The following AMMECR1 variants were observed in gnomAD, a reference collection of about 807,000 sequenced individuals.
AMMECR1 encodes AMMECR nuclear protein 1.
A neutral mutation model predicts 22.5 loss-of-function variants in AMMECR1; 3 were observed. The observed-to-expected ratio is 0.13, with a 90% CI of 0.06 to 0.35. The LOEUF is 0.35. Ranked by LOEUF, AMMECR1 falls within the 10% of genes least tolerant of loss-of-function variation. AMMECR1 has a pLI of 1.00. For synonymous variants in AMMECR1, 130 were observed against 116.7 expected, an observed-to-expected ratio of 1.11 and a Z score of -0.74; for missense variants, 235 against 278.7, an observed-to-expected ratio of 0.84 and a Z score of 1.12.
At chrX:110,271,710 T>C (rs1385413681) in intron 1 of AMMECR1, among the ~76,000 whole-genome samples, 6 of 111,847 alleles carry the variant, frequency 5.4e-5, no homozygotes, top group African/African-American at 2.0e-4. Flanking sequence ...TTTTCTTAGT[T>C]TACACTGAGA....
intron 2 of AMMECR1, among the ~76,000 whole-genome samples, chrX:110,375,345 A>T (rs1453083155): frequency 1.8e-5 from 2 of 111,887 alleles, no homozygotes; most frequent in Admixed American, 9.5e-5. Context: ...TTCTAGTCTC[A>T]GCTCTACCCC....
In AMMECR1 at chrX:110,297,212, T is replaced by C. The variant is rs766123568; in HGVS notation, c.473+20387A>G. Among the ~76,000 whole-genome samples the C allele has an allele frequency of 5.3e-5, 6 of 112,310 alleles. No individual in the cohort carries two copies. The East Asian group carries it at 1.7e-3, about 31-fold the overall frequency. On this transcript the variant is annotated intron_variant, in intron 1 of 5. Coordinates refer to ENST00000262844, the MANE Select transcript of AMMECR1 (RefSeq NM_015365.3). ...TGTGTTGGGTATGCCTTCAATGCTCTGAGAGTTTACAATTCTGCCTTAGCC... is the reference window on the plus strand; with the variant it reads ...TGTGTTGGGTATGCCTTCAATGCTCCGAGAGTTTACAATTCTGCCTTAGCC...
rs1408517324 is a variant in AMMECR1, at chrX:110,318,064, G to A, written c.8C>T (p.Ala3Val). 2 of 1,196,267 alleles carry A rather than the reference G, an allele frequency of 1.7e-6. No homozygotes were observed. The highest frequency in any genetic ancestry group is 1.8e-5 in the South Asian group (1 of 54,643). Residue 3 changes from alanine (A) to valine (V), a missense_variant, in exon 1 of 6, where the codon GCG becomes GTG. Ala to Val is a moderately conservative substitution (Grantham distance 64). Coordinates refer to ENST00000262844, the MANE Select transcript of AMMECR1 (RefSeq NM_015365.3). MA[A>V]GCCGVKKQKL... The stretch of plus-strand genomic sequence containing the variant: ...CTGCTTCTTCACCCCGCAGCAACCC[G>A]CCGCCATCTTGGAACAGTCTCCCCC...
chrX:110,347,936 T>G (rs2068197028), intron 2 of AMMECR1, among the ~76,000 whole-genome samples: 1 of 112,651 alleles, frequency 8.9e-6, no homozygotes, highest in Admixed American at 9.4e-5. Flanking sequence ...ATTCTGACAC[T>G]TCCATTAGTA....
intron 2 of AMMECR1, among the ~76,000 whole-genome samples, chrX:110,403,178 G>C (rs1444492565): frequency 8.9e-6 from 1 of 111,798 alleles, no homozygotes; most frequent in East Asian, 2.8e-4. Context: ...AAAAAGGAAG[G>C]CCAGAGATGT....
At position 110,242,783 on chromosome X, in the gene AMMECR1, A is replaced by T. The variant is rs899384849; in HGVS notation, c.584+21706T>A. Among the ~76,000 whole-genome samples the T allele has an allele frequency of 5.3e-5, 6 of 112,432 alleles. No individual in the cohort carries two copies. In the Admixed American group the frequency reaches 5.7e-4, roughly 11 times the overall value. The stretch of plus-strand genomic sequence containing the variant: ...ACATTTTTCTATAGAATATTATACA[A>T]GTTATAATCCATACTGGGATAAAAC... On this transcript the variant is annotated intron_variant, in intron 2 of 5. Transcript: ENST00000262844.
chrX:110,232,673 A>T (rs1270317811), intron 2 of AMMECR1, among the ~76,000 whole-genome samples: 3 of 109,695 alleles, frequency 2.7e-5, no homozygotes, highest in Admixed American at 9.7e-5. Context: ...GGCAGATCAC[A>T]AGGTCAGGAG....
At chrX:110,264,375 T>C in intron 2 of AMMECR1, 114 bp downstream of exon 2, 1 of 453,813 alleles carries the variant, frequency 2.2e-6, no homozygotes, top group Non-Finnish European at 3.9e-6. Context: ...AAACCTGACA[T>C]GAAGGAAGAC....
At chrX:110,434,223 G>T (rs2068819357) in intron 1 of AMMECR1, among the ~76,000 whole-genome samples, 1 of 111,906 alleles carries the variant, frequency 8.9e-6, no homozygotes, top group South Asian at 3.8e-4. Flanking sequence ...CAGGAGGGGA[G>T]TGGACGAGTA....
intron 3 of AMMECR1, among the ~76,000 whole-genome samples, chrX:110,211,290 C>T (rs1045431023): frequency 7.1e-5 from 8 of 112,355 alleles, no homozygotes; most frequent in African/African-American, 9.7e-5. Flanking sequence ...TGGTAACATA[C>T]TTGCTATACG....
chrX:110,342,417 C>T (rs1391974587), intron 2 of AMMECR1, among the ~76,000 whole-genome samples: 1 of 111,090 alleles, frequency 9.0e-6, no homozygotes, highest in Non-Finnish European at 1.9e-5. Flanking sequence ...GTCACCCAGG[C>T]TGGAGTGCAG....
At chrX:110,244,475 G>T (rs1300944978) in intron 2 of AMMECR1, among the ~76,000 whole-genome samples, 1 of 111,747 alleles carries the variant, frequency 8.9e-6, no homozygotes, top group East Asian at 2.8e-4. Flanking sequence ...AAATTGAGTC[G>T]TATATGTCCA....
chrX:110,411,468 T>C (rs914930493), intron 2 of AMMECR1, among the ~76,000 whole-genome samples: 1 of 111,859 alleles, frequency 8.9e-6, no homozygotes, highest in African/African-American at 3.3e-5. Context: ...TATAATCCAA[T>C]TAGGTCAGAT....
chrX:110,358,617 A>G (rs1457476762), intron 2 of AMMECR1, among the ~76,000 whole-genome samples: 1 of 111,487 alleles, frequency 9.0e-6, no homozygotes, highest in Non-Finnish European at 1.9e-5. Flanking sequence ...TTACAAAGCC[A>G]TTGCTCTAAA....
At chrX:110,345,936 A>G (rs1034477065) in intron 2 of AMMECR1, among the ~76,000 whole-genome samples, 1 of 111,622 alleles carries the variant, frequency 9.0e-6, no homozygotes, top group Non-Finnish European at 1.9e-5. Context: ...CATTTATTAT[A>G]TCAATATTGG....
At chrX:110,417,286 A>G (rs2068684387) in intron 2 of AMMECR1, among the ~76,000 whole-genome samples, 1 of 112,206 alleles carries the variant, frequency 8.9e-6, no homozygotes, top group African/African-American at 3.2e-5. Flanking sequence ...CCAGCTTGAA[A>G]GCTTCATTTG....
chrX:110,405,951 T>C (rs1243585617), intron 2 of AMMECR1, among the ~76,000 whole-genome samples: 1 of 111,799 alleles, frequency 8.9e-6, no homozygotes, highest in East Asian at 2.8e-4. Flanking sequence ...CTTAATTTTA[T>C]GAGACTGTAA....
chrX:110,341,663 C>A (rs1349976908), intron 2 of AMMECR1, among the ~76,000 whole-genome samples: 1 of 112,018 alleles, frequency 8.9e-6, no homozygotes, highest in Non-Finnish European at 1.9e-5. Flanking sequence ...TATCACAGTG[C>A]TTGTGTTCAA....
chrX:110,347,377 C>T (rs1162491145), intron 2 of AMMECR1, among the ~76,000 whole-genome samples: 1 of 112,821 alleles, frequency 8.9e-6, no homozygotes, highest in Non-Finnish European at 1.9e-5. Context: ...TTCAAAAAAA[C>T]TCATGGTGAA....
Sources: gnomAD v4.1 joint callset for allele counts (sites outside exome capture counted in the v4.1 genomes callset) on GRCh38, gnomAD v4.1.1 for gene constraint, MANE v1.5 for transcripts, NCBI Gene and HGNC (gene_info 2026-07-23, HGNC 2026-07-21) for gene names.